Variants in UIMC1 observed in about 807,000 individuals in gnomAD.
UIMC1 encodes the protein ubiquitin interaction motif containing 1.
A neutral mutation model predicts 84.9 loss-of-function variants in UIMC1; 42 were observed. The observed-to-expected ratio is 0.49, with a 90% confidence interval of 0.39 to 0.64. UIMC1 has a LOEUF of 0.64. UIMC1 is among the 30% of genes least tolerant of loss of function. The probability of loss-of-function intolerance (pLI) is 0.00; values close to 1 mark genes in which losing one functional copy is unlikely to be tolerated. For synonymous variants in UIMC1, 281 were observed against 293.0 expected (o/e 0.96, Z 0.42); for missense variants, 825 against 847.6 (o/e 0.97, Z 0.33).
chr5:176,983,099 G>T (rs1336256122), intron 1 of UIMC1, among the ~76,000 whole-genome samples: 3 of 152,122 alleles, frequency 2.0e-5, no homozygotes, highest in Non-Finnish European at 1.5e-5. Context: ...CTCCCAAAGT[G>T]TTGGGGTTAC....
At chr5:176,923,090 T>G (rs1008944139) in intron 10 of UIMC1, among the ~76,000 whole-genome samples, 1 of 152,354 alleles carries the variant, frequency 6.6e-6, no homozygotes, top group South Asian at 2.1e-4. Flanking sequence ...CCAGCAATGC[T>G]TATCTTTTTA....
intron 10 of UIMC1, among the ~76,000 whole-genome samples, chr5:176,930,912 G>A (rs574384848): frequency 5.3e-5 from 8 of 152,342 alleles, no homozygotes; most frequent in African/African-American, 1.7e-4. Flanking sequence ...GATGAGATGA[G>A]AATTCATGTT....
intron 10 of UIMC1, among the ~76,000 whole-genome samples, chr5:176,923,549 A>G (rs1761966184): frequency 7.2e-6 from 1 of 139,330 alleles, no homozygotes; most frequent in South Asian, 2.3e-4. Context: ...GACTGTATCA[A>G]AAGCAAAAAA....
At chr5:176,985,116 AT>A (rs928516765) in intron 1 of UIMC1, among the ~76,000 whole-genome samples, 14 of 151,972 alleles carry the variant, frequency 9.2e-5, no homozygotes, top group South Asian at 2.1e-4. Flanking sequence ...ATATAGAGGA[AT>A]TTTTTTTAGA....
intron 1 of UIMC1, among the ~76,000 whole-genome samples, chr5:177,003,080 A>G (rs1322671221): frequency 6.6e-6 from 1 of 152,134 alleles, no homozygotes; most frequent in East Asian, 1.9e-4. Context: ...AATGCTATAT[A>G]TGCATTTAAC....
At chr5:176,931,459 TG>T (rs1296018777) in intron 10 of UIMC1, among the ~76,000 whole-genome samples, 1 of 152,052 alleles carries the variant, frequency 6.6e-6, no homozygotes. Flanking sequence ...AATCCTGAGG[TG>T]GGGGGCTCCT....
chr5:176,948,693 A>G (rs1373992762), intron 9 of UIMC1, among the ~76,000 whole-genome samples: 1 of 152,234 alleles, frequency 6.6e-6, no homozygotes, highest in Non-Finnish European at 1.5e-5. Context: ...TATACAAACT[A>G]TAAATAGCTG....
At chr5:177,021,749 T>C (rs1246418101) in intron 1 of UIMC1, among the ~76,000 whole-genome samples, 2 of 151,458 alleles carry the variant, frequency 1.3e-5, no homozygotes, top group African/African-American at 4.9e-5. Flanking sequence ...GCCTCCCGGG[T>C]TCAAGCCATT....
chr5:176,978,342 C>T (rs1770477996), intron 2 of UIMC1, among the ~76,000 whole-genome samples: 1 of 152,064 alleles, frequency 6.6e-6, no homozygotes, highest in African/African-American at 2.4e-5. Context: ...CACCGCACTC[C>T]AGCCTGGGCG....
chr5:177,020,293 G>A (rs1233894364), intron 1 of UIMC1, among the ~76,000 whole-genome samples: 2 of 152,056 alleles, frequency 1.3e-5, no homozygotes, highest in East Asian at 1.9e-4. Flanking sequence ...GCATGGCTAC[G>A]CCTTCTCATT....
intron 2 of UIMC1, among the ~76,000 whole-genome samples, chr5:176,980,736 C>A (rs1394903999): frequency 2.6e-5 from 4 of 151,628 alleles, no homozygotes. Flanking sequence ...AAGATGATAT[C>A]CAAGTAATAC....
At chr5:177,019,660 G>A (rs1368990548) in intron 1 of UIMC1, among the ~76,000 whole-genome samples, 1 of 151,386 alleles carries the variant, frequency 6.6e-6, no homozygotes, top group Non-Finnish European at 1.5e-5. Flanking sequence ...GGCTGGGTGT[G>A]GTAGCTCATG....
At chr5:176,998,651 C>A (rs1471283688) in intron 1 of UIMC1, among the ~76,000 whole-genome samples, 1 of 151,888 alleles carries the variant, frequency 6.6e-6, no homozygotes, top group African/African-American at 2.4e-5. Flanking sequence ...CCTGTAATCC[C>A]AGCTACTCAG....
intron 1 of UIMC1, among the ~76,000 whole-genome samples, chr5:176,988,366 A>G (rs1772333969): frequency 6.6e-6 from 1 of 152,134 alleles, no homozygotes; most frequent in Non-Finnish European, 1.5e-5. Flanking sequence ...GTATTAATAC[A>G]TGCTACAACA....
chr5:177,002,636 C>G (rs1272464675), intron 1 of UIMC1, among the ~76,000 whole-genome samples: 1 of 151,986 alleles, frequency 6.6e-6, no homozygotes, highest in Non-Finnish European at 1.5e-5. Context: ...CCCGTCTCTA[C>G]TAAAAATACA....
At position 176,969,002 on chromosome 5, in the gene UIMC1, C is replaced by T. The variant is rs1768769555; in HGVS notation, c.753G>A (p.Gly251=). 6.2e-7 allele frequency: 1 copy of T among 1,614,050 alleles called. No homozygotes were observed. The highest frequency in any genetic ancestry group is 8.5e-7 in the Non-Finnish European group (1 of 1,180,036). The change falls in exon 6 of 15, where the codon GGG becomes GGA. Residue 251 remains glycine (G), a synonymous_variant. Transcript: ENST00000511320. ...TAGGTAGACAGTGCCTAGATGTGTC[C>T]CCGCTACCCTGGACAGCTTTGAGAA... ...SAFLKAVQGS[G]DTSRHCLPTL... is the part of the protein sequence containing the mutation.
chr5:176,989,932 G>C (rs1487933414), intron 1 of UIMC1, among the ~76,000 whole-genome samples: 1 of 152,104 alleles, frequency 6.6e-6, no homozygotes, highest in East Asian at 1.9e-4. Context: ...TGTAATCCCA[G>C]CACTTTGGGA....
chr5:177,018,159 T>C (rs903856256), intron 1 of UIMC1, among the ~76,000 whole-genome samples: 1 of 152,000 alleles, frequency 6.6e-6, no homozygotes, highest in African/African-American at 2.4e-5. Flanking sequence ...AAGATCAGCC[T>C]GGCCAACATG....
intron 1 of UIMC1, among the ~76,000 whole-genome samples, chr5:177,011,870 A>G (rs192170496): frequency 0.011 from 1,621 of 150,688 alleles, 10 homozygotes; most frequent in South Asian, 0.025. Flanking sequence ...GCACAATCTC[A>G]GCTCACCGCA....
Sources: gnomAD v4.1 joint callset for allele counts (sites outside exome capture counted in the v4.1 genomes callset) on GRCh38, gnomAD v4.1.1 for gene constraint, MANE v1.5 for transcripts, NCBI Gene and HGNC (gene_info 2026-07-23, HGNC 2026-07-21) for gene names.